FTO: variants seen among roughly 807,000 people sequenced by gnomAD.
FTO encodes alpha-ketoglutarate-dependent dioxygenase FTO.
Under a neutral mutation model 63.9 loss-of-function variants are expected in FTO, and 47 were observed. That is an observed-to-expected ratio of 0.74 (90% CI 0.58 to 0.94). The LOEUF (loss-of-function observed/expected upper bound fraction) is 0.94. Among genes scored for constraint, FTO ranks in the 40% least tolerant of loss-of-function variants. FTO has a pLI of 0.00. For synonymous variants in FTO, 207 were observed against 224.4 expected, an observed-to-expected ratio of 0.92 and a Z score of 0.69; for missense variants, 562 against 618.1, an observed-to-expected ratio of 0.91 and a Z score of 0.96.
chr16:53,818,186 T>A (rs199568305), intron 2 of FTO, among the ~76,000 whole-genome samples: 3 of 136,418 alleles, frequency 2.2e-5, no homozygotes, highest in Non-Finnish European at 3.2e-5. Flanking sequence ...TTTTTTTTTT[T>A]AAAGAAAAAT....
At chr16:54,109,196 C>T (rs1484120103) in intron 8 of FTO, among the ~76,000 whole-genome samples, 1 of 152,196 alleles carries the variant, frequency 6.6e-6, no homozygotes. Flanking sequence ...CTTGAAATTT[C>T]TGAATGAAGG....
At chr16:53,748,923 C>G (rs2076713084) in intron 1 of FTO, among the ~76,000 whole-genome samples, 1 of 151,874 alleles carries the variant, frequency 6.6e-6, no homozygotes, top group East Asian at 1.9e-4. Flanking sequence ...GCCACCGTGC[C>G]CGGCCAACTT....
intron 7 of FTO, among the ~76,000 whole-genome samples, chr16:53,933,645 T>G (rs2082328073): frequency 6.6e-6 from 1 of 152,042 alleles, no homozygotes. Context: ...CAACTCACAG[T>G]GAAGTGTACG....
intron 8 of FTO, among the ~76,000 whole-genome samples, chr16:54,059,018 T>C (rs1362560652): frequency 6.6e-6 from 1 of 152,224 alleles, no homozygotes. Flanking sequence ...GATAAACTAA[T>C]ATTTTGTATC....
intron 1 of FTO, among the ~76,000 whole-genome samples, chr16:53,795,973 A>T (rs1048325653): frequency 1.3e-5 from 2 of 152,200 alleles, no homozygotes; most frequent in African/African-American, 2.4e-5. Context: ...CACCAGGGAA[A>T]CTGTTAAATG....
chr16:54,033,281 A>G (rs1246153955), intron 8 of FTO, among the ~76,000 whole-genome samples: 2 of 152,150 alleles, frequency 1.3e-5, no homozygotes, highest in Non-Finnish European at 2.9e-5. Flanking sequence ...CAGTTGTGTG[A>G]CTGACTTACA....
intron 1 of FTO, among the ~76,000 whole-genome samples, chr16:53,732,368 AG>A (rs778581352): frequency 5.3e-5 from 8 of 152,196 alleles, no homozygotes; most frequent in Admixed American, 1.3e-4. Flanking sequence ...GTCTTCTTAA[AG>A]GAACCATGTT....
At chr16:54,050,059 A>G (rs1412867733) in intron 8 of FTO, among the ~76,000 whole-genome samples, 2 of 152,092 alleles carry the variant, frequency 1.3e-5, no homozygotes, top group African/African-American at 4.8e-5. Flanking sequence ...GGAGTAACTG[A>G]GTGGGGGCCT....
At chr16:53,849,903 T>G (rs1183313093) in intron 4 of FTO, among the ~76,000 whole-genome samples, 1 of 152,204 alleles carries the variant, frequency 6.6e-6, no homozygotes, top group Non-Finnish European at 1.5e-5. Flanking sequence ...TTTGCCCTGA[T>G]TTAGACATTT....
chr16:53,883,639 A>AC (rs1567396612), intron 6 of FTO, among the ~76,000 whole-genome samples: 4 of 145,842 alleles, frequency 2.7e-5, no homozygotes, highest in Admixed American at 1.4e-4. Flanking sequence ...AAAAAAACAA[A>AC]AAAAAAAAAA....
chr16:53,816,875 G>A lies in FTO; in HGVS notation c.123+6658G>A, dbSNP rs185125510. ...CTTCTAGAGAGAAAATAGACGTTTC[G>A]CTCTCTTCCATATTCTCAGCACCCA... On this transcript the variant is annotated intron_variant, in intron 2 of 8. Coordinates refer to ENST00000471389, the MANE Select transcript of FTO (RefSeq NM_001080432.3). 7.0e-4 allele frequency among the ~76,000 whole-genome samples: 106 copies of A among 152,232 alleles called. 1 individual carries two copies. Among genetic ancestry groups the A allele is most frequent in the African/African-American group, 2.0e-3 (85 of 41,534 alleles).
intron 1 of FTO, among the ~76,000 whole-genome samples, chr16:53,799,003 T>C (rs1422657352): frequency 1.3e-5 from 2 of 152,206 alleles, no homozygotes; most frequent in Middle Eastern, 3.2e-3. Context: ...AGTTTTTCTT[T>C]CTTAGCCTGA....
intron 7 of FTO, among the ~76,000 whole-genome samples, chr16:53,912,365 T>G (rs567053861): frequency 6.6e-6 from 1 of 152,278 alleles, no homozygotes; most frequent in Admixed American, 6.5e-5. Context: ...TTTTGTGGTT[T>G]TATGTGTTAA....
chr16:53,830,550 A>T (rs1025910465), intron 3 of FTO, among the ~76,000 whole-genome samples: 3 of 152,212 alleles, frequency 2.0e-5, no homozygotes, highest in Non-Finnish European at 2.9e-5. Context: ...TTAAGATTTT[A>T]AACTAGTGCC....
At chr16:53,909,354 G>A (rs1372948414) in intron 7 of FTO, among the ~76,000 whole-genome samples, 1 of 152,114 alleles carries the variant, frequency 6.6e-6, no homozygotes, top group Non-Finnish European at 1.5e-5. Flanking sequence ...ATGTGCAGTG[G>A]CAAATGAGGG....
intron 8 of FTO, among the ~76,000 whole-genome samples, chr16:54,089,476 C>T (rs934756667): frequency 6.6e-6 from 1 of 151,932 alleles, no homozygotes; most frequent in Admixed American, 6.6e-5. Context: ...CTCATATCTG[C>T]ATCTTATAAA....
chr16:53,904,619 T>C (rs1365934616), intron 7 of FTO, among the ~76,000 whole-genome samples: 1 of 152,212 alleles, frequency 6.6e-6, no homozygotes, highest in Non-Finnish European at 1.5e-5. Flanking sequence ...TGTACCCTGC[T>C]GAGTTCTAGG....
chr16:53,921,433 C>T (rs1032180494), intron 7 of FTO, among the ~76,000 whole-genome samples: 1 of 152,138 alleles, frequency 6.6e-6, no homozygotes, highest in African/African-American at 2.4e-5. Context: ...ATCAGTGGCT[C>T]AATTATTTCG....
intron 8 of FTO, among the ~76,000 whole-genome samples, chr16:54,032,559 G>A (rs1165154752): frequency 2.6e-5 from 4 of 152,156 alleles, no homozygotes; most frequent in Admixed American, 6.5e-5. Flanking sequence ...TACACATCCA[G>A]TAATTAAAAG....
Sources: allele counts gnomAD v4.1 joint callset (sites outside exome capture counted in the v4.1 genomes callset), GRCh38; gene constraint gnomAD v4.1.1; transcripts MANE v1.5; gene names NCBI Gene and HGNC (gene_info 2026-07-23, HGNC 2026-07-21).